The following GYS1 variants were observed in gnomAD, a reference collection of about 807,000 sequenced individuals.
GYS1 encodes the protein glycogen synthase 1.
A neutral mutation model predicts 89.1 loss-of-function variants in GYS1; 60 were observed. That is an observed-to-expected ratio of 0.67 (90% CI 0.55 to 0.84). The LOEUF (loss-of-function observed/expected upper bound fraction) is 0.84. GYS1 is among the 40% of genes least tolerant of loss of function. The probability of loss-of-function intolerance (pLI) is 0.00; values close to 1 mark genes in which losing one functional copy is unlikely to be tolerated. For missense variants in GYS1, 888 were observed against 1,003.1 expected (o/e 0.89, Z 1.55); for synonymous variants, 366 against 401.7 (o/e 0.91, Z 1.06).
Position 48,982,771 on chromosome 19 carries a change from T to G in GYS1, c.890A>C (p.His297Pro). ...FSAMHEFQNL[H>P]AQSKARIQEF... ...CTGGATTCGAGCCTTGCTCTGAGCATGGAGGTTCTGGAACTCATGCATGGC... is the reference window on the plus strand; with the variant it reads ...CTGGATTCGAGCCTTGCTCTGAGCAGGGAGGTTCTGGAACTCATGCATGGC... Residue 297 changes from histidine (H) to proline (P), a missense_variant, in exon 6 of 16, where the codon CAT (histidine) becomes CCT (proline). By Grantham distance (77) the His-to-Pro change is moderately conservative. Transcript: ENST00000323798. The G allele has an allele frequency of 6.2e-7, 1 of 1,614,008 alleles. No homozygotes were observed. The highest frequency in any genetic ancestry group is 2.2e-5 in the East Asian group (1 of 44,882).
chr19:48,987,738 G>A (rs1189306016), intron 2 of GYS1, among the ~76,000 whole-genome samples: 2 of 151,396 alleles, frequency 1.3e-5, no homozygotes, highest in Non-Finnish European at 2.9e-5. Flanking sequence ...CCGGGTTCAA[G>A]CAATTCTCCT....
intron 5 of GYS1, among the ~76,000 whole-genome samples, chr19:48,983,619 G>T (rs1885941320): frequency 1.3e-5 from 2 of 152,152 alleles, no homozygotes; most frequent in Admixed American, 6.6e-5. Context: ...TCAGCGCCTA[G>T]GGCAAAGTTC....
At chr19:48,990,119 C>T (rs2038904753) in intron 2 of GYS1, among the ~76,000 whole-genome samples, 1 of 151,980 alleles carries the variant, frequency 6.6e-6, no homozygotes, top group African/African-American at 2.4e-5. Flanking sequence ...ATTCCAGACC[C>T]CACCCCAAAC....
In GYS1 at chr19:48,969,333, G is replaced by T. The variant is rs1406106140; in HGVS notation, c.2169C>A (p.Ser723Arg). ...GGGAGCTGGTGGGGCTGAGGGGCTCGCTCGGGGTGCTGAGTGAGCTGGAGG... is the reference window on the plus strand; with the variant it reads ...GGGAGCTGGTGGGGCTGAGGGGCTCTCTCGGGGTGCTGAGTGAGCTGGAGG... ...TATSSSLSTP[S>R]EPLSPTSSLG... Residue 723 changes from serine (S) to arginine (R), a missense_variant, in exon 16 of 16, where the codon AGC becomes AGA. Ser to Arg is a moderately radical substitution (Grantham distance 110, BLOSUM62 -1). Transcript: ENST00000323798. 3 of 1,583,522 alleles carry T rather than the reference G, an allele frequency of 1.9e-6. No individual in the cohort carries two copies. Among genetic ancestry groups the T allele is most frequent in the African/African-American group, 1.3e-5 (1 of 74,432 alleles).
chr19:48,982,677 C>T, intron 6 of GYS1, 43 bp downstream of exon 6: 1 of 1,365,588 alleles, frequency 7.3e-7, no homozygotes, highest in Non-Finnish European at 1.0e-6. Context: ...GTTAGGCTCC[C>T]AACGCCCTCC....
rs747526091 is a variant in GYS1, at chr19:48,970,583, C to T, written c.1772G>A (p.Arg591His). The T allele has an allele frequency of 2.5e-6, 4 of 1,613,846 alleles. No individual in the cohort carries two copies. The highest frequency in any genetic ancestry group is 3.4e-6 in the Non-Finnish European group (4 of 1,179,884). ...QRIIQRNRTE[R>H]LSDLLDWKYL... ...TTTCCAGTCCAGAAGGTCGGAGAGG[C>T]GCTCCGTGCGGTTCCGCTGGATGAT... The change falls in exon 14 of 16, where the codon CGC (arginine) becomes CAC (histidine). Residue 591 changes from arginine (R) to histidine (H), a missense_variant. By Grantham distance (29) the Arg-to-His change is conservative. Coordinates refer to ENST00000323798, the MANE Select transcript of GYS1 (RefSeq NM_002103.5).
chr19:48,970,491 C>G (rs1446244079), intron 14 of GYS1, 55 bp downstream of exon 14: 1 of 1,483,894 alleles, frequency 6.7e-7, no homozygotes, highest in Non-Finnish European at 9.4e-7. Context: ...CACCAAAGAC[C>G]CCTAGCCAGG....
chr19:48,970,360 T>A, intron 14 of GYS1, 186 bp downstream of exon 14: 1 of 608,406 alleles, frequency 1.6e-6, no homozygotes, highest in South Asian at 1.9e-5. Context: ...GCTCATGCGA[T>A]CCTTCCTGTT....
intron 10 of GYS1, among the ~76,000 whole-genome samples, chr19:48,976,621 T>C (rs1219818038): frequency 6.6e-6 from 1 of 152,288 alleles, no homozygotes; most frequent in South Asian, 2.1e-4. Context: ...ACCTCCTGAC[T>C]GCGTCCCTAA....
At chr19:48,978,617 T>C (rs1335787250) in intron 8 of GYS1, among the ~76,000 whole-genome samples, 1 of 151,520 alleles carries the variant, frequency 6.6e-6, no homozygotes, top group Non-Finnish European at 1.5e-5. Context: ...CTGCAACCTC[T>C]GCCTCTCAGG....
At chr19:48,982,571 A>G in intron 6 of GYS1, 149 bp downstream of exon 6, 1 of 852,942 alleles carries the variant, frequency 1.2e-6, no homozygotes, top group Non-Finnish European at 1.9e-6. Flanking sequence ...CCATTGTTCC[A>G]GCGCTCAAGA....
At chr19:48,983,737 C>T (rs77954874) in intron 5 of GYS1, among the ~76,000 whole-genome samples, 1 of 152,162 alleles carries the variant, frequency 6.6e-6, no homozygotes, top group East Asian at 1.9e-4. Context: ...CAGTTCTGAC[C>T]TAACCTTTCT....
At position 48,993,140 on chromosome 19, in the gene GYS1, G is replaced by T. The variant is rs377543851; in HGVS notation, c.-28C>A. 2.3e-6 allele frequency: 3 copies of T among 1,305,764 alleles called. No individual in the cohort carries two copies. The highest frequency in any genetic ancestry group is 3.3e-6 in the Non-Finnish European group (3 of 899,314). The allele number at this position is 1,305,764 out of a possible 1,614,324, so 80.9% of individuals were successfully genotyped here. On this transcript the variant is annotated 5_prime_UTR_variant, in exon 1 of 16. Transcript: ENST00000323798. ...CTGGCGCAGGAAGGGGGGCTCCGGG[G>T]ATCTCCAGGTAGGGACCCCGGAGGT...
At position 48,981,589 on chromosome 19, in the gene GYS1, C is replaced by T. The variant is rs200386346; in HGVS notation, c.1110G>A (p.Ala370=). The change falls in exon 8 of 16, where the codon GCG becomes GCA. Residue 370 remains alanine (A), a synonymous_variant. Transcript: ENST00000323798. ...TTTCCACGTTGAAATTGTTGGTCCG[C>T]GCTGGCATGATGAAGAAGGCAACCA... ...QTVVAFFIMP[A]RTNNFNVETL... The T allele has an allele frequency of 9.7e-5, 157 of 1,613,774 alleles. No individual in the cohort carries two copies. The highest frequency in any genetic ancestry group is 9.2e-4 in the South Asian group (84 of 91,062).
intron 8 of GYS1, among the ~76,000 whole-genome samples, chr19:48,979,076 A>T (rs2038706114): frequency 6.6e-6 from 1 of 152,142 alleles, no homozygotes; most frequent in Admixed American, 6.6e-5. Context: ...GGACCCAATG[A>T]TGTCATGCCA....
intron 12 of GYS1, among the ~76,000 whole-genome samples, chr19:48,973,213 A>G (rs2038592336): frequency 6.6e-6 from 1 of 152,132 alleles, no homozygotes; most frequent in Non-Finnish European, 1.5e-5. Flanking sequence ...TGCCGCCATG[A>G]GAAGAAGCTT....
chr19:48,988,708 A>G (rs1240229425), intron 2 of GYS1, among the ~76,000 whole-genome samples: 2 of 152,112 alleles, frequency 1.3e-5, no homozygotes, highest in Non-Finnish European at 2.9e-5. Flanking sequence ...TCGATCTCCC[A>G]GGCTCAAGCA....
intron 2 of GYS1, among the ~76,000 whole-genome samples, chr19:48,988,414 G>A (rs907225090): frequency 2.0e-5 from 3 of 151,710 alleles, no homozygotes; most frequent in African/African-American, 7.3e-5. Context: ...GTTCACTATA[G>A]CCTCAACCTC....
Position 48,987,203 on chromosome 19 carries a change from G to A in GYS1, c.483C>T (p.Phe161=), listed in dbSNP as rs752504884. The change falls in exon 3 of 16, where the codon TTC becomes TTT. Residue 161 remains phenylalanine (F), a synonymous_variant. Transcript: ENST00000323798. ...GTCAGACGGGGCCTACCTCACCCAGGAACCAGGTGGTCAGAAAGCCAAAGA... is the reference window on the plus strand; with the variant it reads ...GTCAGACGGGGCCTACCTCACCCAGAAACCAGGTGGTCAGAAAGCCAAAGA... ...AVLFGFLTTW[F]LGEFLAQSEE... is the part of the protein sequence containing the mutation. The A allele has an allele frequency of 1.9e-6, 3 of 1,611,378 alleles. No homozygotes were observed. Among genetic ancestry groups the A allele is most frequent in the Non-Finnish European group, 2.5e-6 (3 of 1,177,760 alleles).
Sources: gnomAD v4.1 joint callset for allele counts (sites outside exome capture counted in the v4.1 genomes callset) on GRCh38, gnomAD v4.1.1 for gene constraint, MANE v1.5 for transcripts, NCBI Gene and HGNC (gene_info 2026-07-23, HGNC 2026-07-21) for gene names.